Variants in GMDS observed in about 807,000 individuals in gnomAD.
GMDS encodes the protein GDP-mannose 4,6-dehydratase.
GMDS carries 20 observed loss-of-function variants against 49.9 expected under a neutral mutation model. That is an observed-to-expected ratio of 0.40 (90% confidence interval 0.28 to 0.58). The LOEUF is 0.58. GMDS is among the 20% of genes least tolerant of loss of function. The probability of loss-of-function intolerance (pLI) is 0.42; values close to 1 mark genes in which losing one functional copy is unlikely to be tolerated. For synonymous variants in GMDS, 177 were observed against 178.6 expected (o/e 0.99, Z 0.07); for missense variants, 362 against 481.4 (o/e 0.75, Z 2.32).
At chr6:1,981,211 C>G (rs1765203309) in intron 4 of GMDS, among the ~76,000 whole-genome samples, 1 of 148,794 alleles carries the variant, frequency 6.7e-6, no homozygotes, top group Non-Finnish European at 1.5e-5. Flanking sequence ...CTAAAGAAGA[C>G]AGAGACATGA....
intron 4 of GMDS, among the ~76,000 whole-genome samples, chr6:2,013,784 C>A (rs1767709237): frequency 6.6e-6 from 1 of 151,280 alleles, no homozygotes; most frequent in South Asian, 2.1e-4. Flanking sequence ...GATACCATTA[C>A]AAAAGGTGTA....
chr6:1,858,145 C>A (rs904674303), intron 7 of GMDS, among the ~76,000 whole-genome samples: 2 of 152,054 alleles, frequency 1.3e-5, no homozygotes, highest in African/African-American at 4.8e-5. Context: ...CCAAGTATCT[C>A]AGTACATGGA....
At chr6:1,625,925 T>C (rs191977882) in intron 9 of GMDS, among the ~76,000 whole-genome samples, 7 of 152,366 alleles carry the variant, frequency 4.6e-5, no homozygotes, top group African/African-American at 1.7e-4. Flanking sequence ...TTCAGCTACA[T>C]ACAAATTAAA....
At chr6:1,761,371 G>A (rs766287696) in intron 7 of GMDS, among the ~76,000 whole-genome samples, 8 of 152,160 alleles carry the variant, frequency 5.3e-5, no homozygotes, top group Non-Finnish European at 1.0e-4. Flanking sequence ...TAAAAAATCT[G>A]TGAGAAACTT....
intron 9 of GMDS, among the ~76,000 whole-genome samples, chr6:1,723,656 G>A (rs556365591): frequency 1.4e-3 from 204 of 150,774 alleles, no homozygotes; most frequent in Non-Finnish European, 2.3e-3. Context: ...ATTGGTTTGA[G>A]TGTCCCTCTG....
rs530485846 is a variant in GMDS at position 1,855,221 on chromosome 6, T to C, written c.771+74882A>G. Among the ~76,000 whole-genome samples, 8 of 152,308 alleles carry C rather than the reference T, an allele frequency of 5.3e-5. No individual in the cohort carries two copies. The East Asian group carries it at 1.5e-3, about 29-fold the overall frequency. On this transcript the variant is annotated intron_variant, in intron 7 of 10. Transcript: ENST00000380815. ...TATGACCTGCTCTGGGAAAAGCACT[T>C]GGGGATCCATAGACCTAAGACATTC...
intron 4 of GMDS, among the ~76,000 whole-genome samples, chr6:1,994,150 T>C (rs955610895): frequency 2.0e-5 from 3 of 152,238 alleles, no homozygotes; most frequent in African/African-American, 7.2e-5. Flanking sequence ...TATTTGTACT[T>C]AGATGTGGCT....
chr6:1,783,009 G>A (rs1414565042), intron 7 of GMDS, among the ~76,000 whole-genome samples: 1 of 151,986 alleles, frequency 6.6e-6, no homozygotes, highest in Admixed American at 6.6e-5. Flanking sequence ...ATTTAAAATA[G>A]TCGGGCATGT....
At chr6:1,652,719 T>TATATAG (rs1561701864) in intron 9 of GMDS, among the ~76,000 whole-genome samples, 1 of 11,086 alleles carries the variant, frequency 9.0e-5, no homozygotes, top group African/African-American at 3.2e-4. Context: ...TATATATATA[T>TATATAG]AGAGAGAGAG....
intron 7 of GMDS, among the ~76,000 whole-genome samples, chr6:1,856,709 C>A (rs1375844040): frequency 1.3e-5 from 2 of 152,244 alleles, no homozygotes; most frequent in African/African-American, 4.8e-5. Context: ...CTAGACCCAG[C>A]AGCTAGCTTA....
intron 4 of GMDS, among the ~76,000 whole-genome samples, chr6:1,963,607 A>T (rs934327060): frequency 3.3e-5 from 5 of 152,174 alleles, no homozygotes; most frequent in Non-Finnish European, 7.3e-5. Context: ...ATGGATATCT[A>T]GTTGTCCCAG....
At chr6:1,781,474 C>T (rs557951076) in intron 7 of GMDS, among the ~76,000 whole-genome samples, 1 of 152,356 alleles carries the variant, frequency 6.6e-6, no homozygotes, top group East Asian at 1.9e-4. Flanking sequence ...GCCGAGCCTT[C>T]TGCCTACTTC....
intron 7 of GMDS, among the ~76,000 whole-genome samples, chr6:1,849,807 C>A (rs1217405573): frequency 1.3e-5 from 2 of 152,144 alleles, no homozygotes; most frequent in East Asian, 3.9e-4. Flanking sequence ...TATAAAACAG[C>A]AACACCATCA....
intron 7 of GMDS, among the ~76,000 whole-genome samples, chr6:1,791,888 T>C (rs1769557819): frequency 6.6e-6 from 1 of 152,128 alleles, no homozygotes; most frequent in Non-Finnish European, 1.5e-5. Context: ...AGACTGATAA[T>C]AAAAAACAGA....
chr6:2,237,907 A>C (rs1299176836), intron 1 of GMDS, among the ~76,000 whole-genome samples: 1 of 152,206 alleles, frequency 6.6e-6, no homozygotes, highest in Non-Finnish European at 1.5e-5. Context: ...TATACTAAGA[A>C]TAGCCTGGTT....
intron 8 of GMDS, among the ~76,000 whole-genome samples, chr6:1,729,834 A>C (rs1458520901): frequency 6.6e-6 from 1 of 152,266 alleles, no homozygotes; most frequent in Non-Finnish European, 1.5e-5. Flanking sequence ...AAATAGCAAT[A>C]GAAAGCACTG....
At chr6:1,747,739 T>C (rs1767567163) in intron 7 of GMDS, among the ~76,000 whole-genome samples, 1 of 152,208 alleles carries the variant, frequency 6.6e-6, no homozygotes, top group African/African-American at 2.4e-5. Context: ...CAAGCCTTAT[T>C]CTTTGTGGAA....
intron 8 of GMDS, among the ~76,000 whole-genome samples, chr6:1,736,416 T>C (rs1371723790): frequency 1.1e-4 from 17 of 152,220 alleles, no homozygotes; most frequent in Non-Finnish European, 2.5e-4. Context: ...GTCCAACCTC[T>C]TTATGATGAC....
intron 4 of GMDS, among the ~76,000 whole-genome samples, chr6:2,056,507 G>C (rs1005719002): frequency 6.6e-6 from 1 of 152,134 alleles, no homozygotes; most frequent in African/African-American, 2.4e-5. Flanking sequence ...ATTCCATGCT[G>C]TGAGATACAA....
Sources: gnomAD v4.1 joint callset for allele counts (sites outside exome capture counted in the v4.1 genomes callset) on GRCh38, gnomAD v4.1.1 for gene constraint, MANE v1.5 for transcripts, NCBI Gene and HGNC (gene_info 2026-07-23, HGNC 2026-07-21) for gene names.